The following MLIP variants were observed in gnomAD, a reference collection of about 807,000 sequenced individuals.
MLIP encodes the protein muscular LMNA interacting protein.
MLIP carries 79 observed loss-of-function variants against 84.8 expected under a neutral mutation model. The ratio of observed to expected loss-of-function variants is 0.93; its 90% confidence interval spans 0.78 to 1.12. MLIP has a LOEUF of 1.12. Among genes scored for constraint, MLIP ranks in the 50% most tolerant of loss-of-function variants. The probability of loss-of-function intolerance (pLI) is 0.00; values close to 1 mark genes in which losing one functional copy is unlikely to be tolerated. For missense variants in MLIP, 1,257 were observed against 1,160.6 expected (o/e 1.08, Z -1.21); for synonymous variants, 504 against 463.0 (o/e 1.09, Z -1.14).
intron 12 of MLIP, 83 bp from the exon 13 acceptor site, chr6:54,257,225 T>TAAACTG: frequency 2.1e-6 from 2 of 935,218 alleles, no homozygotes; most frequent in South Asian, 2.8e-5. Flanking sequence ...TATGTCATTG[T>TAAACTG]CAATCTGTTT....
In MLIP at chr6:54,237,416, T is replaced by G. The variant is rs565152942; in HGVS notation, c.2922+6499T>G. Among the ~76,000 whole-genome samples, 5 of 152,200 alleles carry G rather than the reference T, an allele frequency of 3.3e-5. No individual in the cohort carries two copies. The South Asian group carries it at 1.0e-3, about 32-fold the overall frequency. ...TGAAGTTCAGAGGATGGTTGCTGCT[T>G]AAACGTTAAGGACTGAGAAGGTATA... On this transcript the variant is annotated intron_variant, in intron 12 of 13. Transcript: ENST00000502396.
intron 12 of MLIP, among the ~76,000 whole-genome samples, chr6:54,239,069 C>A (rs1463773447): frequency 6.6e-6 from 1 of 152,060 alleles, no homozygotes; most frequent in East Asian, 1.9e-4. Context: ...TTCTAGATTT[C>A]TCTAGCCTTT....
intron 12 of MLIP, among the ~76,000 whole-genome samples, chr6:54,256,275 C>T (rs1782998480): frequency 6.6e-6 from 1 of 152,144 alleles, no homozygotes; most frequent in Admixed American, 6.6e-5. Flanking sequence ...AGGTGGAGAC[C>T]TCCTTGGCCT....
chr6:54,103,557 C>G (rs1022832240), intron 1 of MLIP, among the ~76,000 whole-genome samples: 3 of 152,188 alleles, frequency 2.0e-5, no homozygotes, highest in African/African-American at 7.2e-5. Context: ...ATGCTCTCAA[C>G]TGTGTATTGC....
chr6:54,184,241 G>T (rs1331196433), intron 9 of MLIP, among the ~76,000 whole-genome samples: 1 of 152,140 alleles, frequency 6.6e-6, no homozygotes, highest in East Asian at 1.9e-4. Context: ...AAAGGGAAAA[G>T]AAGCATCTTA....
chr6:54,237,821 G>A (rs1391456586), intron 12 of MLIP, among the ~76,000 whole-genome samples: 2 of 152,008 alleles, frequency 1.3e-5, no homozygotes, highest in South Asian at 2.1e-4. Flanking sequence ...CTGCATTCTC[G>A]GCTGTGCAAC....
At chr6:54,144,050 T>C (rs1772564219) in intron 4 of MLIP, among the ~76,000 whole-genome samples, 1 of 152,156 alleles carries the variant, frequency 6.6e-6, no homozygotes, top group Non-Finnish European at 1.5e-5. Context: ...GCCCATCTGC[T>C]TTGCCAGGCA....
chr6:54,206,875 T>A (rs1470392120), intron 11 of MLIP, among the ~76,000 whole-genome samples: 2 of 152,232 alleles, frequency 1.3e-5, no homozygotes, highest in Non-Finnish European at 2.9e-5. Flanking sequence ...ACTCTGGCTT[T>A]GTCACAAACT....
intron 1 of MLIP, chr6:54,031,332 C>T (rs1217929904): frequency 3.3e-5 from 5 of 152,034 alleles, no homozygotes; most frequent in South Asian, 2.1e-4. Context: ...ACTCCTTATC[C>T]GAGAGCAGAT....
chr6:54,047,914 T>G lies in MLIP; in HGVS notation c.63+28823T>G, dbSNP rs190514849. On this transcript the variant is annotated intron_variant, in intron 1 of 12. Transcript: ENST00000274897. ...TTCCAAGATCATACAATGTACTATA[T>G]GTAGGGCACAAACTCAGGACTGTGC... 2.8e-4 allele frequency among the ~76,000 whole-genome samples: 43 copies of G among 152,338 alleles called. No individual in the cohort carries two copies. In the East Asian group the frequency reaches 6.9e-3, roughly 25 times the overall value.
intron 1 of MLIP, among the ~76,000 whole-genome samples, chr6:54,092,627 T>C (rs1056768953): frequency 1.3e-5 from 2 of 152,010 alleles, no homozygotes; most frequent in South Asian, 4.1e-4. Flanking sequence ...TAAATAGTGG[T>C]ATAACTATAT....
At chr6:54,246,129 G>A (rs6937514) in intron 12 of MLIP, among the ~76,000 whole-genome samples, 24,534 of 151,972 alleles carry the variant, frequency 0.16, 2,499 homozygotes, top group African/African-American at 0.29. Flanking sequence ...ATCTCTTTTG[G>A]GGAACAAGAA....
rs1398297346 is a variant in MLIP at position 54,137,690 on chromosome 6, CAAA to C, written c.1622_1624del (p.Gln541_Thr542delinsPro). ...GAGCAATACCATGCTCTCCCTGCTA[CAAA>C]CCAGTACATCCAGTTCTGTGGGTCT... On this transcript the variant is annotated inframe_deletion, in exon 4 of 14. Transcript: ENST00000502396. 22 of 1,536,098 alleles carry C rather than the reference CAAA, an allele frequency of 1.4e-5. No homozygotes were observed. The East Asian group carries it at 5.1e-4, about 36-fold the overall frequency.
At chr6:54,225,435 G>T (rs758523469) in intron 11 of MLIP, among the ~76,000 whole-genome samples, 1 of 152,164 alleles carries the variant, frequency 6.6e-6, no homozygotes, top group Non-Finnish European at 1.5e-5. Flanking sequence ...CATTATATAT[G>T]CAGTTCGTTG....
chr6:54,137,878 G>C lies in MLIP; in HGVS notation c.1809G>C (p.Thr603=). ...CTCCTCCTATTAATCAAAGAGCTACGTTCTCTTCTTCAGAGAAATGTTTCC... is the reference window on the plus strand; with the variant it reads ...CTCCTCCTATTAATCAAAGAGCTACCTTCTCTTCTTCAGAGAAATGTTTCC... ...SLSPPINQRA[T]FSSSEKCFHP... The change falls in exon 4 of 14, where the codon ACG becomes ACC. Residue 603 remains threonine, a synonymous_variant. Transcript: ENST00000502396. The C allele has an allele frequency of 3.3e-6, 5 of 1,536,034 alleles. No individual in the cohort carries two copies. Among genetic ancestry groups the C allele is most frequent in the East Asian group, 4.9e-5 (2 of 40,908 alleles).
intron 12 of MLIP, among the ~76,000 whole-genome samples, chr6:54,253,208 T>C (rs1782761574): frequency 6.6e-6 from 1 of 152,104 alleles, no homozygotes. Flanking sequence ...TGGGTATTGC[T>C]GCAATAATTT....
At chr6:54,257,465 CAAAAG>C in intron 13 of MLIP, 104 bp downstream of exon 13, 1 of 821,286 alleles carries the variant, frequency 1.2e-6, no homozygotes, top group East Asian at 2.6e-5. Flanking sequence ...GCTTTTATAA[CAAAAG>C]AAAGAATTAT....
intron 3 of MLIP, among the ~76,000 whole-genome samples, chr6:54,131,773 C>G (rs1351423954): frequency 1.3e-5 from 2 of 152,308 alleles, no homozygotes; most frequent in Admixed American, 1.3e-4. Flanking sequence ...GCTTAACAAA[C>G]CATGCCAGCA....
intron 1 of MLIP, among the ~76,000 whole-genome samples, chr6:54,068,020 CTTCCTTCCTTCCTTTTTTCT>C (rs200643753): frequency 0.01 from 726 of 72,180 alleles, 252 homozygotes; most frequent in Admixed American, 0.033. Context: ...CAGCTCCTTC[CTTCCTTCCTTCCTTTTTTCT>C]TTCCTTCCTT....
Sources: gnomAD v4.1 joint callset for allele counts (sites outside exome capture counted in the v4.1 genomes callset) on GRCh38, gnomAD v4.1.1 for gene constraint, MANE v1.5 for transcripts, NCBI Gene and HGNC (gene_info 2026-07-23, HGNC 2026-07-21) for gene names.